NRXN1: variants seen among roughly 807,000 people sequenced by gnomAD.
The protein encoded by NRXN1 is neurexin 1.
A neutral mutation model predicts 150.9 loss-of-function variants in NRXN1; 39 were observed. The ratio of observed to expected loss-of-function variants is 0.26; its 90% CI spans 0.20 to 0.34. The LOEUF is 0.34. NRXN1 is among the 10% of genes least tolerant of loss of function. The pLI is 1.00. For synonymous variants in NRXN1, 924 were observed against 757.0 expected (o/e 1.22, Z -3.62); for missense variants, 1,815 against 1,949.9 (o/e 0.93, Z 1.30).
chr2:49,959,851 A>G (rs1675609077), intron 21 of NRXN1, among the ~76,000 whole-genome samples: 1 of 152,220 alleles, frequency 6.6e-6, no homozygotes, highest in Admixed American at 6.5e-5. Flanking sequence ...AAAGTAGGCA[A>G]AACCCCAGTA....
intron 10 of NRXN1, among the ~76,000 whole-genome samples, chr2:50,534,616 G>C (rs2093206009): frequency 6.6e-6 from 1 of 152,052 alleles, no homozygotes; most frequent in African/African-American, 2.4e-5. Flanking sequence ...TCCTAAACTA[G>C]ACAATCATGA....
rs553665656 is a variant in NRXN1 at position 49,984,362 on chromosome 2, C to G, written c.4129-40571G>C. On this transcript the variant is annotated intron_variant, in intron 21 of 22. Transcript: ENST00000401669. ...AATCACTACACCCAACTGAATTTTG[C>G]TAATTTCAAACTGAGAAAATGAGAT... Among the ~76,000 whole-genome samples, 21 of 151,760 alleles carry G rather than the reference C, an allele frequency of 1.4e-4. No homozygotes were observed. In the East Asian group the frequency reaches 4.1e-3, roughly 30 times the overall value.
Position 50,709,790 on chromosome 2 carries a change from A to G in NRXN1, c.833-86175T>C, listed in dbSNP as rs572393282. Among the ~76,000 whole-genome samples the G allele has an allele frequency of 3.3e-5, 5 of 152,286 alleles. No homozygotes were observed. The South Asian group carries it at 6.2e-4, about 19-fold the overall frequency. On this transcript the variant is annotated intron_variant, in intron 5 of 22. Coordinates refer to ENST00000401669, the MANE Select transcript of NRXN1 (RefSeq NM_001330078.2). ...ATTGGTTCAAGTCTAAAATGTTAGA[A>G]CTTTGGCTCATATTAAATTACTTGA...
At chr2:50,981,239 T>G (rs1249951202) in intron 2 of NRXN1, among the ~76,000 whole-genome samples, 8 of 151,818 alleles carry the variant, frequency 5.3e-5, no homozygotes, top group Non-Finnish European at 1.0e-4. Context: ...GGTGGATCAC[T>G]TGAGGCCAAG....
chr2:50,090,552 A>T (rs1471362317), intron 19 of NRXN1, among the ~76,000 whole-genome samples: 1 of 152,152 alleles, frequency 6.6e-6, no homozygotes, highest in African/African-American at 2.4e-5. Flanking sequence ...CTTAAAAAGC[A>T]TATTTGTTTT....
At chr2:50,606,852 T>G (rs573257174) in intron 8 of NRXN1, among the ~76,000 whole-genome samples, 1 of 152,178 alleles carries the variant, frequency 6.6e-6, no homozygotes, top group Non-Finnish European at 1.5e-5. Flanking sequence ...AATTCTTCCT[T>G]TGTGGTTAAT....
intron 17 of NRXN1, among the ~76,000 whole-genome samples, chr2:50,408,132 C>T (rs1204007754): frequency 6.6e-6 from 1 of 152,120 alleles, no homozygotes; most frequent in Non-Finnish European, 1.5e-5. Context: ...CCCAGCCCTC[C>T]AAGATCTTAC....
At chr2:50,991,756 C>T (rs1278299414) in intron 2 of NRXN1, among the ~76,000 whole-genome samples, 1 of 152,016 alleles carries the variant, frequency 6.6e-6, no homozygotes, top group South Asian at 2.1e-4. Context: ...TCAAGGAGCA[C>T]GTTCTTCTGA....
intron 18 of NRXN1, among the ~76,000 whole-genome samples, chr2:50,129,391 A>G (rs562949027): frequency 2.6e-4 from 40 of 152,354 alleles, no homozygotes; most frequent in Non-Finnish European, 4.3e-4. Context: ...GCCTTGGCAG[A>G]TTTCCACTGA....
At chr2:50,992,666 T>C (rs184690424) in intron 2 of NRXN1, among the ~76,000 whole-genome samples, 113 of 152,126 alleles carry the variant, frequency 7.4e-4, no homozygotes, top group African/African-American at 2.6e-3. Flanking sequence ...AAATGCAATA[T>C]ACTTTGCCTC....
At chr2:50,793,527 A>G (rs1295240400) in intron 5 of NRXN1, among the ~76,000 whole-genome samples, 3 of 152,082 alleles carry the variant, frequency 2.0e-5, no homozygotes, top group Non-Finnish European at 4.4e-5. Flanking sequence ...AAGCCTTTAT[A>G]ATGCCTAGTT....
At chr2:50,671,289 A>G (rs1365958374) in intron 5 of NRXN1, among the ~76,000 whole-genome samples, 6 of 151,740 alleles carry the variant, frequency 4.0e-5, no homozygotes, top group African/African-American at 1.4e-4. Flanking sequence ...TATATAGTAT[A>G]TAAGAAATTT....
intron 17 of NRXN1, among the ~76,000 whole-genome samples, chr2:50,429,252 A>T (rs2084752091): frequency 6.7e-6 from 1 of 150,116 alleles, no homozygotes; most frequent in Non-Finnish European, 1.5e-5. Context: ...AGGAAAAAAA[A>T]ATACTTTTTT....
intron 18 of NRXN1, among the ~76,000 whole-genome samples, chr2:50,094,462 A>C (rs1699959662): frequency 1.3e-5 from 2 of 152,206 alleles, no homozygotes; most frequent in African/African-American, 2.4e-5. Flanking sequence ...CATTAGTGGA[A>C]CATCTAAGAA....
At chr2:50,104,636 T>C (rs1178150261) in intron 18 of NRXN1, among the ~76,000 whole-genome samples, 3 of 152,010 alleles carry the variant, frequency 2.0e-5, no homozygotes, top group Non-Finnish European at 2.9e-5. Context: ...ATAATACGTA[T>C]GAATATATAT....
At chr2:50,389,147 G>A (rs1404181220) in intron 17 of NRXN1, among the ~76,000 whole-genome samples, 1 of 151,826 alleles carries the variant, frequency 6.6e-6, no homozygotes, top group Non-Finnish European at 1.5e-5. Flanking sequence ...GCTAGACACA[G>A]AGCGAGGCCC....
At chr2:50,490,332 G>A (rs1043347235) in intron 15 of NRXN1, among the ~76,000 whole-genome samples, 3 of 152,080 alleles carry the variant, frequency 2.0e-5, no homozygotes, top group Non-Finnish European at 2.9e-5. Flanking sequence ...TTCAAAATGA[G>A]AAAATTACCC....
At chr2:50,594,031 C>T (rs1311633134) in intron 8 of NRXN1, among the ~76,000 whole-genome samples, 1 of 152,166 alleles carries the variant, frequency 6.6e-6, no homozygotes, top group East Asian at 1.9e-4. Context: ...GGCACTTCTC[C>T]TTCCTGCTGC....
chr2:50,030,797 C>T (rs931295136), intron 21 of NRXN1, among the ~76,000 whole-genome samples: 3 of 152,074 alleles, frequency 2.0e-5, no homozygotes, highest in African/African-American at 7.2e-5. Flanking sequence ...CTAGTTATGG[C>T]ATGTCTCAAT....
Sources: gnomAD v4.1 joint callset for allele counts (sites outside exome capture counted in the v4.1 genomes callset) on GRCh38, gnomAD v4.1.1 for gene constraint, MANE v1.5 for transcripts, NCBI Gene and HGNC (gene_info 2026-07-23, HGNC 2026-07-21) for gene names.